Variants in CYP2C19 observed in about 807,000 individuals in gnomAD.
CYP2C19 encodes the protein cytochrome P450 2C19.
In CYP2C19, 59 loss-of-function variants were observed where a neutral mutation model predicts 40.9. The observed-to-expected ratio is 1.44, with a 90% CI of 1.17 to 1.79. CYP2C19 has a LOEUF of 1.79. CYP2C19 is among the 40% of genes most tolerant of loss of function. The pLI is 0.00. For synonymous variants in CYP2C19, 253 were observed against 208.7 expected, an observed-to-expected ratio of 1.21 and a Z score of -1.83; for missense variants, 754 against 596.9, an observed-to-expected ratio of 1.26 and a Z score of -2.74.
chr10:94,783,890 T>C (rs1038119051), intron 5 of CYP2C19, among the ~76,000 whole-genome samples: 2 of 152,190 alleles, frequency 1.3e-5, no homozygotes, highest in Admixed American at 1.3e-4. Context: ...CAGGGAGTTA[T>C]GCCATTTTAA....
intron 6 of CYP2C19, among the ~76,000 whole-genome samples, chr10:94,842,302 A>C (rs1408718710): frequency 6.6e-6 from 1 of 151,632 alleles, no homozygotes; most frequent in African/African-American, 2.4e-5. Flanking sequence ...CTTTAAATAT[A>C]ATAACTCTTC....
In CYP2C19 at chr10:94,762,886, C is replaced by T. The variant is rs2134227245; in HGVS notation, c.168+13C>T. The T allele has an allele frequency of 6.2e-7, 1 of 1,610,890 alleles. No individual in the cohort carries two copies. The highest frequency in any genetic ancestry group is 1.7e-5 in the Admixed American group (1 of 59,994). ...ATCCTTAACCAATGTAAGTATGCTC[C>T]TTCAGTGGCTTGCAAAAGGTAAGTA... On this transcript the variant is annotated intron_variant, in intron 1 of 8. Coordinates refer to ENST00000371321, the MANE Select transcript of CYP2C19 (RefSeq NM_000769.4).
chr10:94,830,021 T>C (rs1305717914), intron 6 of CYP2C19, among the ~76,000 whole-genome samples: 1 of 152,194 alleles, frequency 6.6e-6, no homozygotes, highest in Non-Finnish European at 1.5e-5. Flanking sequence ...TTCTCAGATC[T>C]CCAGCTGCAT....
At chr10:94,817,255 T>C (rs1195642900) in intron 5 of CYP2C19, among the ~76,000 whole-genome samples, 3 of 149,258 alleles carry the variant, frequency 2.0e-5, no homozygotes, top group Non-Finnish European at 4.5e-5. Context: ...TTCCTGACTT[T>C]TTAATGATTG....
In CYP2C19 at chr10:94,854,456, T is replaced by C. The variant is rs1849703002; in HGVS notation, c.*1542T>C. 6.6e-6 allele frequency among the ~76,000 whole-genome samples: 1 copy of C among 152,058 alleles called. No individual in the cohort carries two copies. The highest frequency in any genetic ancestry group is 1.5e-5 in the Non-Finnish European group (1 of 68,012). Reference sequence around the variant, plus strand: ...TTAGCCTCATGTCATCTCCAAAGCATAGACAACTAAGTATCTTATGTTAAA... The same window carrying C: ...TTAGCCTCATGTCATCTCCAAAGCACAGACAACTAAGTATCTTATGTTAAA... On this transcript the variant is annotated 3_prime_UTR_variant, in exon 9 of 9. Coordinates refer to ENST00000371321, the MANE Select transcript of CYP2C19 (RefSeq NM_000769.4).
chr10:94,802,725 T>C (rs113684911), intron 5 of CYP2C19, among the ~76,000 whole-genome samples: 10,606 of 152,172 alleles, frequency 0.07, 421 homozygotes, highest in South Asian at 0.12. Context: ...CTGGTACCAA[T>C]TTTTCCTTTC....
At chr10:94,781,614 T>C (rs1393815835) in intron 4 of CYP2C19, among the ~76,000 whole-genome samples, 1 of 152,108 alleles carries the variant, frequency 6.6e-6, no homozygotes, top group Non-Finnish European at 1.5e-5. Context: ...GAAATGATTA[T>C]CATCTTTGAT....
intron 3 of CYP2C19, among the ~76,000 whole-genome samples, chr10:94,776,906 T>G (rs1211303953): frequency 1.3e-5 from 2 of 152,114 alleles, no homozygotes; most frequent in East Asian, 3.9e-4. Context: ...AAAACCCCAT[T>G]GTCTCATCCC....
chr10:94,796,197 A>T (rs1459176716), intron 5 of CYP2C19, among the ~76,000 whole-genome samples: 1 of 152,180 alleles, frequency 6.6e-6, no homozygotes, highest in East Asian at 1.9e-4. Context: ...GAAGGGATCC[A>T]GTTTCAGCTT....
intron 8 of CYP2C19, among the ~76,000 whole-genome samples, chr10:94,852,085 G>A (rs774105953): frequency 1.3e-5 from 2 of 152,206 alleles, no homozygotes; most frequent in Non-Finnish European, 2.9e-5. Flanking sequence ...GGGGACTGAT[G>A]ATGAGTGGCT....
chr10:94,844,398 C>G (rs908293060), intron 7 of CYP2C19, among the ~76,000 whole-genome samples: 2 of 152,108 alleles, frequency 1.3e-5, no homozygotes, highest in Non-Finnish European at 2.9e-5. Context: ...TCAGTGTTAG[C>G]TTAGCTCTCT....
chr10:94,837,046 G>GAA (rs34986692), intron 6 of CYP2C19, among the ~76,000 whole-genome samples: 2 of 152,056 alleles, frequency 1.3e-5, no homozygotes, highest in South Asian at 4.2e-4. Context: ...CAGGGATGCA[G>GAA]AAAAAGTCAT....
chr10:94,766,195 C>G (rs533092902), intron 1 of CYP2C19, among the ~76,000 whole-genome samples: 2 of 146,262 alleles, frequency 1.4e-5, no homozygotes. Flanking sequence ...TTGATAGATA[C>G]AAAGCCAACA....
rs1238254905 is a variant in CYP2C19 at position 94,819,072 on chromosome 10, A to G, written c.820-1424A>G. 1.5e-3 allele frequency among the ~76,000 whole-genome samples: 234 copies of G among 150,968 alleles called. 1 individual carries two copies. The highest frequency in any genetic ancestry group is 2.7e-3 in the Non-Finnish European group (184 of 67,776). On this transcript the variant is annotated intron_variant, in intron 5 of 8. Transcript: ENST00000371321. ...CCACAGTGCAATCAAACTAGAACTC[A>G]GGATTAAGAATCTCACTCAAAACTG...
At chr10:94,797,487 G>A (rs970694406) in intron 5 of CYP2C19, among the ~76,000 whole-genome samples, 3 of 152,058 alleles carry the variant, frequency 2.0e-5, no homozygotes, top group African/African-American at 7.2e-5. Context: ...TTGGTATCAG[G>A]ATGATGCTGG....
chr10:94,839,378 T>C (rs1849455096), intron 6 of CYP2C19, among the ~76,000 whole-genome samples: 1 of 152,182 alleles, frequency 6.6e-6, no homozygotes, highest in African/African-American at 2.4e-5. Context: ...GTAGCAGTCC[T>C]GCAACTGTTT....
intron 6 of CYP2C19, among the ~76,000 whole-genome samples, chr10:94,841,984 T>C (rs1253283231): frequency 6.6e-6 from 1 of 152,230 alleles, no homozygotes; most frequent in Non-Finnish European, 1.5e-5. Flanking sequence ...GGATGAAATA[T>C]TCTGCAAATA....
chr10:94,835,141 A>T (rs577394938), intron 6 of CYP2C19, among the ~76,000 whole-genome samples: 1 of 152,308 alleles, frequency 6.6e-6, no homozygotes, highest in Admixed American at 6.5e-5. Flanking sequence ...TACAGCTTCA[A>T]TTCTGGAAGA....
At chr10:94,781,720 TTATTTA>T (rs1848480263) in intron 4 of CYP2C19, 95 bp from the exon 5 acceptor site, 1 of 480,654 alleles carries the variant, frequency 2.1e-6, no homozygotes, top group Admixed American at 4.6e-5. Flanking sequence ...ACAATATATT[TTATTTA>T]TATTTATAGT....
Sources: gnomAD v4.1 joint callset for allele counts (sites outside exome capture counted in the v4.1 genomes callset) on GRCh38, gnomAD v4.1.1 for gene constraint, MANE v1.5 for transcripts, NCBI Gene and HGNC (gene_info 2026-07-23, HGNC 2026-07-21) for gene names.